SHISA9: variants seen among roughly 807,000 people sequenced by gnomAD.
SHISA9 encodes shisa family member 9.
A neutral mutation model predicts 38.0 loss-of-function variants in SHISA9; 13 were observed. The ratio of observed to expected loss-of-function variants is 0.34; its 90% CI spans 0.22 to 0.54. SHISA9 has a LOEUF of 0.54. Among genes scored for constraint, SHISA9 ranks in the 20% least tolerant of loss-of-function variants. The pLI is 0.91. For synonymous variants in SHISA9, 275 were observed against 242.0 expected (o/e 1.14, Z -1.27); for missense variants, 538 against 575.8 (o/e 0.93, Z 0.67).
chr16:13,352,110 A>G, the SHISA9 span, among the ~76,000 whole-genome samples: 1 of 152,036 alleles, frequency 6.6e-6, no homozygotes, highest in African/African-American at 2.4e-5. Context: ...ACACCAAAAC[A>G]TTCCTCCCTC....
Position 12,902,028 on chromosome 16 carries a change from CG to C in SHISA9, c.-35del. On this transcript the variant is annotated 5_prime_UTR_variant, in exon 1 of 5. Transcript: ENST00000558583. ...CGAGAGGCGGCCGCAGAGGCTCCAG[CG>C]GCGGCCGAGCGGCCGAGCCCGGGCT... The C allele has an allele frequency of 7.0e-7, 1 of 1,421,424 alleles. No homozygotes were observed. Among genetic ancestry groups the C allele is most frequent in the Non-Finnish European group, 9.1e-7 (1 of 1,093,728 alleles). 88.1% of individuals were successfully genotyped at this position (1,421,424 alleles called of 1,614,324 possible). A position where few individuals can be genotyped will look rare whatever the true frequency, so the allele number is the denominator to read the frequency against.
intron 2 of SHISA9, among the ~76,000 whole-genome samples, chr16:13,107,630 A>G (rs1211626161): frequency 6.6e-6 from 1 of 152,098 alleles, no homozygotes; most frequent in Non-Finnish European, 1.5e-5. Context: ...CAGGACATTG[A>G]GGCTTAGTAA....
At chr16:13,145,461 G>T (rs2050439121) in intron 2 of SHISA9, among the ~76,000 whole-genome samples, 1 of 152,050 alleles carries the variant, frequency 6.6e-6, no homozygotes, top group Non-Finnish European at 1.5e-5. Context: ...CGGGAGGCGG[G>T]AGTTGCAGTG....
At chr16:13,418,038 T>C in the SHISA9 span, among the ~76,000 whole-genome samples, 4 of 152,204 alleles carry the variant, frequency 2.6e-5, no homozygotes, top group South Asian at 2.1e-4. Flanking sequence ...ATCCTTCCTT[T>C]ATTACTTCCT....
At chr16:13,470,861 A>C in the SHISA9 span, among the ~76,000 whole-genome samples, 1 of 152,054 alleles carries the variant, frequency 6.6e-6, no homozygotes, top group Non-Finnish European at 1.5e-5. Context: ...AAAACACCGT[A>C]AATCTTAGTT....
intron 1 of SHISA9, among the ~76,000 whole-genome samples, chr16:12,904,771 G>A (rs2071070823): frequency 6.6e-6 from 1 of 152,162 alleles, no homozygotes; most frequent in African/African-American, 2.4e-5. Flanking sequence ...CTGCTGTGTA[G>A]TATTACCTAG....
chr16:13,345,796 A>G, the SHISA9 span, among the ~76,000 whole-genome samples: 2 of 152,128 alleles, frequency 1.3e-5, no homozygotes, highest in African/African-American at 4.8e-5. Context: ...AGCCATTCTG[A>G]CTGTTGTTAG....
intron 2 of SHISA9, among the ~76,000 whole-genome samples, chr16:13,010,496 CAT>C (rs2072658623): frequency 6.6e-6 from 1 of 152,136 alleles, no homozygotes; most frequent in Non-Finnish European, 1.5e-5. Flanking sequence ...AAATAATAGA[CAT>C]AGAATTTTAG....
intron 2 of SHISA9, among the ~76,000 whole-genome samples, chr16:12,951,409 A>G (rs929416297): frequency 6.6e-6 from 1 of 152,144 alleles, no homozygotes; most frequent in Admixed American, 6.5e-5. Context: ...TGCAGGGTGC[A>G]CAGTCTCTGT....
chr16:12,912,695 G>T (rs1327089321), intron 1 of SHISA9, among the ~76,000 whole-genome samples: 2 of 152,144 alleles, frequency 1.3e-5, no homozygotes, highest in East Asian at 3.9e-4. Context: ...AGGTTGCAAG[G>T]AGCCCAAACT....
rs55763909 is a variant in SHISA9 at position 12,928,314 on chromosome 16, T to TTGTGTGTGTGTG, written c.691+11505_691+11516dup. Among the ~76,000 whole-genome samples the TTGTGTGTGTGTG allele has an allele frequency of 7.7e-3, 1,159 of 151,044 alleles. 8 individuals carry two copies. The highest frequency in any genetic ancestry group is 0.021 in the African/African-American group (864 of 41,166). ...TTGTCATTAGGGGTGCAGAGGTTGG[T>TTGTGTGTGTGTG]TGTGTGTGTGTGTGTGTATGTGTGT... On this transcript the variant is annotated intron_variant, in intron 2 of 4. Transcript: ENST00000558583.
At chr16:13,530,601 C>T in the SHISA9 span, among the ~76,000 whole-genome samples, 211 of 151,868 alleles carry the variant, frequency 1.4e-3, 2 homozygotes, top group East Asian at 9.5e-3. Flanking sequence ...TTTTTTGTGC[C>T]GTTACTGGGA....
intron 2 of SHISA9, among the ~76,000 whole-genome samples, chr16:13,084,262 C>A (rs1307857061): frequency 6.6e-6 from 1 of 152,168 alleles, no homozygotes; most frequent in Non-Finnish European, 1.5e-5. Context: ...CTTTGAACCC[C>A]ACAAATCTCA....
At chr16:13,348,262 A>T in the SHISA9 span, among the ~76,000 whole-genome samples, 1 of 152,102 alleles carries the variant, frequency 6.6e-6, no homozygotes, top group Non-Finnish European at 1.5e-5. Flanking sequence ...CGGCATCTCT[A>T]ATCCAAAAAT....
At chr16:13,143,381 A>G (rs2050419567) in intron 2 of SHISA9, among the ~76,000 whole-genome samples, 1 of 152,178 alleles carries the variant, frequency 6.6e-6, no homozygotes, top group African/African-American at 2.4e-5. Flanking sequence ...ACCAAGGATG[A>G]ATATATCCCC....
intron 3 of SHISA9, among the ~76,000 whole-genome samples, chr16:13,206,740 T>C (rs1567248411): frequency 1.3e-5 from 2 of 152,254 alleles, no homozygotes; most frequent in African/African-American, 2.4e-5. Flanking sequence ...TGGTTACCCA[T>C]GTTTCACATT....
chr16:13,340,951 G>A, the SHISA9 span, among the ~76,000 whole-genome samples: 2 of 152,012 alleles, frequency 1.3e-5, no homozygotes, highest in African/African-American at 4.8e-5. Context: ...TCCCTGACTG[G>A]GTCAAATTTG....
intron 2 of SHISA9, among the ~76,000 whole-genome samples, chr16:13,030,829 C>A (rs4781385): frequency 0.67 from 102,454 of 152,044 alleles, 35,024 homozygotes; most frequent in Middle Eastern, 0.76. Context: ...AGGAGAGGAA[C>A]GCAATGGGGA....
the SHISA9 span, among the ~76,000 whole-genome samples, chr16:13,500,117 G>A: frequency 1.3e-5 from 2 of 152,198 alleles, no homozygotes; most frequent in African/African-American, 4.8e-5. Flanking sequence ...GAGGTGACTG[G>A]ATCATAGGGG....
Sources: allele counts gnomAD v4.1 joint callset (sites outside exome capture counted in the v4.1 genomes callset), GRCh38; gene constraint gnomAD v4.1.1; transcripts MANE v1.5; gene names NCBI Gene and HGNC (gene_info 2026-07-23, HGNC 2026-07-21).